The following FIG4 variants were observed in gnomAD, a reference collection of about 807,000 sequenced individuals.
FIG4 encodes polyphosphoinositide phosphatase.
FIG4 carries 112 observed loss-of-function variants against 118.6 expected under a neutral mutation model. The ratio of observed to expected loss-of-function variants is 0.94; its 90% CI spans 0.81 to 1.11. The LOEUF (loss-of-function observed/expected upper bound fraction) is 1.11, where lower values mean the gene tolerates loss of function less well. Among genes scored for constraint, FIG4 ranks in the 50% least tolerant of loss-of-function variants. FIG4 has a pLI of 0.00. For synonymous variants in FIG4, 369 were observed against 381.2 expected, an observed-to-expected ratio of 0.97 and a Z score of 0.37; for missense variants, 969 against 1,111.7, an observed-to-expected ratio of 0.87 and a Z score of 1.83.
intron 6 of FIG4, among the ~76,000 whole-genome samples, chr6:109,737,262 A>G (rs1019993890): frequency 6.6e-6 from 1 of 152,158 alleles, no homozygotes; most frequent in African/African-American, 2.4e-5. Context: ...AAGGAAAACA[A>G]TAAATTTTTA....
At chr6:109,747,404 A>G (rs1176569805) in intron 10 of FIG4, among the ~76,000 whole-genome samples, 1 of 152,114 alleles carries the variant, frequency 6.6e-6, no homozygotes, top group African/African-American at 2.4e-5. Flanking sequence ...GAAAACCAGG[A>G]AGTGCTGTGT....
At chr6:109,744,388 G>A (rs961643354) in intron 10 of FIG4, among the ~76,000 whole-genome samples, 3 of 152,048 alleles carry the variant, frequency 2.0e-5, no homozygotes, top group African/African-American at 7.2e-5. Flanking sequence ...AGGAGGCAGG[G>A]AACCACAGAA....
chr6:109,762,315 G>A, intron 12 of FIG4, 108 bp downstream of exon 12: 1 of 737,048 alleles, frequency 1.4e-6, no homozygotes, highest in Non-Finnish European at 2.5e-6. Flanking sequence ...TTAGTCCTGG[G>A]GGGAGGCACA....
At chr6:109,764,057 A>G (rs1777198221) in intron 13 of FIG4, 75 bp downstream of exon 13, 6 of 938,808 alleles carry the variant, frequency 6.4e-6, no homozygotes, top group African/African-American at 3.2e-5. Context: ...GTAAGCAATC[A>G]TGGAAAGACC....
chr6:109,748,014 T>C (rs1562659514), intron 10 of FIG4, among the ~76,000 whole-genome samples: 2 of 152,162 alleles, frequency 1.3e-5, no homozygotes, highest in Non-Finnish European at 2.9e-5. Context: ...TTTGTGAGCA[T>C]GCACATTCCA....
intron 22 of FIG4, among the ~76,000 whole-genome samples, chr6:109,822,561 AC>A (rs984873217): frequency 6.6e-6 from 1 of 152,028 alleles, no homozygotes; most frequent in Non-Finnish European, 1.5e-5. Context: ...GTGTAAAAAA[AC>A]AGTCACATTT....
intron 5 of FIG4, among the ~76,000 whole-genome samples, 200 bp from the exon 6 acceptor site, chr6:109,734,950 A>G (rs1300009480): frequency 6.6e-6 from 1 of 152,188 alleles, no homozygotes; most frequent in Admixed American, 6.6e-5. Context: ...GCAGATGCCT[A>G]GTCATGCAGT....
intron 13 of FIG4, among the ~76,000 whole-genome samples, chr6:109,764,748 A>G (rs1190653289): frequency 6.6e-6 from 1 of 152,260 alleles, no homozygotes; most frequent in Non-Finnish European, 1.5e-5. Context: ...TTAAACTAAC[A>G]AAGTAAATTC....
At chr6:109,719,325 A>T (rs1302689897) in intron 3 of FIG4, among the ~76,000 whole-genome samples, 1 of 152,024 alleles carries the variant, frequency 6.6e-6, no homozygotes, top group Non-Finnish European at 1.5e-5. Context: ...AAATGTAACG[A>T]AGTGAAAATC....
intron 15 of FIG4, among the ~76,000 whole-genome samples, chr6:109,776,041 A>T (rs576596792): frequency 7.9e-5 from 12 of 152,258 alleles, no homozygotes; most frequent in East Asian, 1.9e-4. Context: ...TATATTGTGG[A>T]TGTCTGCCAC....
chr6:109,752,828 A>G (rs1290125451), intron 10 of FIG4, among the ~76,000 whole-genome samples: 1 of 152,102 alleles, frequency 6.6e-6, no homozygotes, highest in Non-Finnish European at 1.5e-5. Context: ...TGCTGTGCAG[A>G]AGCTCTTTAG....
At chr6:109,747,570 C>T (rs1583676673) in intron 10 of FIG4, among the ~76,000 whole-genome samples, 1 of 152,026 alleles carries the variant, frequency 6.6e-6, no homozygotes, top group African/African-American at 2.4e-5. Context: ...TGTGGGATAA[C>T]AGTGAGTAAG....
intron 1 of FIG4, among the ~76,000 whole-genome samples, chr6:109,713,641 A>C (rs1775339471): frequency 6.6e-6 from 1 of 152,178 alleles, no homozygotes; most frequent in Non-Finnish European, 1.5e-5. Context: ...GCACACGTGC[A>C]CTGGTAGGGC....
Position 109,746,575 on chromosome 6 carries a change from G to A in FIG4, c.1137+2803G>A, listed in dbSNP as rs112564123. On this transcript the variant is annotated intron_variant, in intron 10 of 22. Transcript: ENST00000230124. ...CTGTGGCTGGGGCCCAGAGGGTGAGGACAAGATGCTTGTTTTGAGATGAGG... is the reference window on the plus strand; with the variant it reads ...CTGTGGCTGGGGCCCAGAGGGTGAGAACAAGATGCTTGTTTTGAGATGAGG... 1.7e-3 allele frequency among the ~76,000 whole-genome samples: 254 copies of A among 152,208 alleles called. 2 individuals are homozygous for A. Among genetic ancestry groups the A allele is most frequent in the Middle Eastern group, 3.4e-3 (1 of 294 alleles).
chr6:109,803,442 C>T (rs1778477469), intron 22 of FIG4, among the ~76,000 whole-genome samples: 1 of 152,012 alleles, frequency 6.6e-6, no homozygotes, highest in Non-Finnish European at 1.5e-5. Context: ...TGGCAAGTTG[C>T]CAGGATAGCA....
intron 14 of FIG4, among the ~76,000 whole-genome samples, chr6:109,766,144 G>A (rs1308154704): frequency 6.6e-6 from 1 of 152,158 alleles, no homozygotes; most frequent in East Asian, 1.9e-4. Flanking sequence ...TATTATAAAA[G>A]ACTGAAGAGA....
intron 1 of FIG4, among the ~76,000 whole-genome samples, chr6:109,713,028 T>C (rs1220814231): frequency 6.6e-6 from 1 of 152,216 alleles, no homozygotes; most frequent in Non-Finnish European, 1.5e-5. Flanking sequence ...ACTCCTGGAC[T>C]GTGTGCTCTA....
intron 22 of FIG4, among the ~76,000 whole-genome samples, chr6:109,807,220 C>A (rs907780751): frequency 1.3e-5 from 2 of 152,170 alleles, no homozygotes; most frequent in African/African-American, 4.8e-5. Flanking sequence ...ATTTACACTC[C>A]CACCAACAGT....
chr6:109,749,166 C>T (rs955339517), intron 10 of FIG4, among the ~76,000 whole-genome samples: 1 of 150,278 alleles, frequency 6.7e-6, no homozygotes, highest in Non-Finnish European at 1.5e-5. Context: ...AAGAGTGAAA[C>T]AGTGAGGCAG....
Sources: allele counts gnomAD v4.1 joint callset (sites outside exome capture counted in the v4.1 genomes callset), GRCh38; gene constraint gnomAD v4.1.1; transcripts MANE v1.5; gene names NCBI Gene and HGNC (gene_info 2026-07-23, HGNC 2026-07-21).